CADM2: variants seen among roughly 807,000 people sequenced by gnomAD.
CADM2 encodes cell adhesion molecule 2.
CADM2 carries 12 observed loss-of-function variants against 49.8 expected under a neutral mutation model. The observed-to-expected ratio is 0.24, with a 90% CI of 0.15 to 0.39. CADM2 has a LOEUF of 0.39. Among genes scored for constraint, CADM2 ranks in the 10% least tolerant of loss-of-function variants. The probability of loss-of-function intolerance (pLI) is 1.00; values close to 1 mark genes in which losing one functional copy is unlikely to be tolerated. For synonymous variants in CADM2, 214 were observed against 175.4 expected, an observed-to-expected ratio of 1.22 and a Z score of -1.74; for missense variants, 378 against 492.3, an observed-to-expected ratio of 0.77 and a Z score of 2.20.
At chr3:85,135,071 C>A (rs1257020364) in intron 1 of CADM2, among the ~76,000 whole-genome samples, 1 of 151,428 alleles carries the variant, frequency 6.6e-6, no homozygotes, top group Admixed American at 6.6e-5. Flanking sequence ...TATTTTTATT[C>A]ATAAGTAAAT....
chr3:85,922,279 G>T (rs970698126), intron 6 of CADM2, among the ~76,000 whole-genome samples: 2 of 148,828 alleles, frequency 1.3e-5, no homozygotes, highest in African/African-American at 5.0e-5. Context: ...ATAAATTGTT[G>T]TAATTTTTAT....
At chr3:85,713,656 C>T (rs1039861893) in intron 1 of CADM2, among the ~76,000 whole-genome samples, 3 of 152,124 alleles carry the variant, frequency 2.0e-5, no homozygotes, top group Admixed American at 1.3e-4. Context: ...CTGTCACTTG[C>T]GTCTATATGT....
intron 1 of CADM2, among the ~76,000 whole-genome samples, chr3:85,184,767 C>T (rs577590617): frequency 6.6e-6 from 1 of 152,124 alleles, no homozygotes; most frequent in African/African-American, 2.4e-5. Context: ...GATAGGAGTG[C>T]ATTGCTTGTG....
At chr3:85,760,238 T>C (rs1577244805) in intron 2 of CADM2, among the ~76,000 whole-genome samples, 1 of 152,254 alleles carries the variant, frequency 6.6e-6, no homozygotes, top group East Asian at 1.9e-4. Context: ...CTAGTTGTTA[T>C]GTTCAAAATT....
chr3:86,057,897 C>CGA (rs1272675358), intron 8 of CADM2, among the ~76,000 whole-genome samples: 3 of 152,138 alleles, frequency 2.0e-5, no homozygotes, highest in African/African-American at 7.2e-5. Context: ...AACCAGCTCT[C>CGA]GTTCCCAAAA....
rs1457373514 is a variant in CADM2 at position 85,697,339 on chromosome 3, A to C, written c.62-29183A>C. 2.0e-5 allele frequency among the ~76,000 whole-genome samples: 3 copies of C among 152,148 alleles called. No individual in the cohort carries two copies. In the East Asian group the frequency reaches 5.8e-4, roughly 29 times the overall value. ...CAGATATATAAAGTGACATGCAGCT[A>C]GATAACCATATAATGATTGTGTAGC... On this transcript the variant is annotated intron_variant, in intron 1 of 9. Coordinates refer to ENST00000383699, the MANE Select transcript of CADM2 (RefSeq NM_001167675.2).
At chr3:85,952,381 T>C (rs1416560001) in intron 7 of CADM2, among the ~76,000 whole-genome samples, 3 of 150,990 alleles carry the variant, frequency 2.0e-5, no homozygotes, top group African/African-American at 4.8e-5. Flanking sequence ...TTTCTTTCTT[T>C]AGCTTGGAAA....
intron 1 of CADM2, among the ~76,000 whole-genome samples, chr3:85,372,460 T>TGTGTATATATGTATATAA (rs373214293): frequency 1.3e-5 from 2 of 148,222 alleles, no homozygotes; most frequent in Non-Finnish European, 3.0e-5. Flanking sequence ...TATGTATATA[T>TGTGTATATATGTATATAA]ATGAGATCAA....
intron 1 of CADM2, among the ~76,000 whole-genome samples, chr3:85,355,689 G>A (rs1437037419): frequency 6.6e-6 from 1 of 152,088 alleles, no homozygotes; most frequent in Non-Finnish European, 1.5e-5. Context: ...ATGTCAGATA[G>A]GGTGGCTTTG....
rs552422809 is a variant in CADM2, at chr3:85,770,160, A to G, written c.89-31887A>G. On this transcript the variant is annotated intron_variant, in intron 2 of 9. Transcript: ENST00000383699. ...AGGCTTCAGTGTTCTTATCTGAAAG[A>G]TAATAAAGTAAAATATTATAGTCAT... Among the ~76,000 whole-genome samples the G allele has an allele frequency of 2.0e-5, 3 of 152,270 alleles. No homozygotes were observed. The South Asian group carries it at 6.2e-4, about 32-fold the overall frequency.
intron 1 of CADM2, among the ~76,000 whole-genome samples, chr3:85,627,358 T>C (rs2064158428): frequency 6.6e-6 from 1 of 152,050 alleles, no homozygotes. Flanking sequence ...CTTATAAGAC[T>C]CTGATTGTGT....
chr3:85,931,489 T>A (rs1054757099), intron 6 of CADM2, among the ~76,000 whole-genome samples: 1 of 152,070 alleles, frequency 6.6e-6, no homozygotes, highest in Non-Finnish European at 1.5e-5. Context: ...ATTTAACAAT[T>A]ATTTATTAAG....
At position 85,280,574 on chromosome 3, in the gene CADM2, C is replaced by T. The variant is rs545711969; in HGVS notation, c.61+320906C>T. 3.2e-4 allele frequency among the ~76,000 whole-genome samples: 48 copies of T among 151,630 alleles called. 1 individual carries two copies. Among genetic ancestry groups the T allele is most frequent in the Middle Eastern group, 6.8e-3 (2 of 294 alleles). On this transcript the variant is annotated intron_variant, in intron 1 of 9. Coordinates refer to ENST00000383699, the MANE Select transcript of CADM2 (RefSeq NM_001167675.2). ...TTGAGATCTTTGACTTTCCTGGATC[C>T]GGTTATCCACGTCTTTTCTGCGTTT... is the stretch of plus-strand genomic sequence containing the variant.
intron 3 of CADM2, among the ~76,000 whole-genome samples, chr3:85,844,003 C>T (rs2074763021): frequency 6.6e-6 from 1 of 152,024 alleles, no homozygotes; most frequent in Non-Finnish European, 1.5e-5. Flanking sequence ...GGTAGCCAGG[C>T]TTTACGGATC....
At chr3:85,146,838 A>G (rs1344792967) in intron 1 of CADM2, among the ~76,000 whole-genome samples, 1 of 152,154 alleles carries the variant, frequency 6.6e-6, no homozygotes, top group Admixed American at 6.5e-5. Context: ...TTACATTTGC[A>G]TGGGTTTGAT....
intron 1 of CADM2, among the ~76,000 whole-genome samples, chr3:84,963,111 T>C (rs146609301): frequency 2.2e-4 from 33 of 152,316 alleles, no homozygotes; most frequent in African/African-American, 7.0e-4. Context: ...GGCCAAAGTA[T>C]AACTTGGAAT....
At chr3:85,823,598 T>G (rs1055815482) in intron 3 of CADM2, among the ~76,000 whole-genome samples, 14 of 152,208 alleles carry the variant, frequency 9.2e-5, no homozygotes, top group Admixed American at 2.0e-4. Flanking sequence ...ATGTCTACTT[T>G]GCAGAGTTGT....
chr3:85,534,542 C>T (rs1021591586), intron 1 of CADM2, among the ~76,000 whole-genome samples: 1 of 152,160 alleles, frequency 6.6e-6, no homozygotes, highest in African/African-American at 2.4e-5. Flanking sequence ...CACAGTCACA[C>T]TCTTCTGTTC....
intron 2 of CADM2, among the ~76,000 whole-genome samples, chr3:85,797,579 G>A (rs1305269420): frequency 1.3e-5 from 2 of 152,230 alleles, no homozygotes; most frequent in African/African-American, 4.8e-5. Flanking sequence ...CCCTGCAAAG[G>A]ACATGAACTC....
Sources: gnomAD v4.1 joint callset for allele counts (sites outside exome capture counted in the v4.1 genomes callset) on GRCh38, gnomAD v4.1.1 for gene constraint, MANE v1.5 for transcripts, NCBI Gene and HGNC (gene_info 2026-07-23, HGNC 2026-07-21) for gene names.